Variants in KCTD17 observed in about 807,000 individuals in gnomAD.
KCTD17 encodes the protein BTB/POZ domain-containing protein KCTD17.
A neutral mutation model predicts 41.5 loss-of-function variants in KCTD17; 20 were observed. The observed-to-expected ratio is 0.48, with a 90% CI of 0.34 to 0.70. KCTD17 has a LOEUF of 0.70. KCTD17 is among the 30% of genes least tolerant of loss of function. The pLI is 0.01. For missense variants in KCTD17, 317 were observed against 427.2 expected, an observed-to-expected ratio of 0.74 and a Z score of 2.27; for synonymous variants, 156 against 173.8, an observed-to-expected ratio of 0.90 and a Z score of 0.80.
chr22:37,058,444 A>G (rs117406281), intron 4 of KCTD17, among the ~76,000 whole-genome samples: 1 of 152,254 alleles, frequency 6.6e-6, no homozygotes, highest in African/African-American at 2.4e-5. Flanking sequence ...TAGAAGGGCC[A>G]TCAGTAAAGC....
intron 4 of KCTD17, 65 bp downstream of exon 4, chr22:37,057,558 G>T: frequency 7.7e-7 from 1 of 1,296,678 alleles, no homozygotes; most frequent in Non-Finnish European, 1.1e-6. Context: ...TGACCAAGCA[G>T]GCCCCTCCCT....
At chr22:37,057,563 C>T in intron 4 of KCTD17, 70 bp downstream of exon 4, 1 of 1,235,682 alleles carries the variant, frequency 8.1e-7, no homozygotes, top group Non-Finnish European at 1.2e-6. Flanking sequence ...AAGCAGGCCC[C>T]TCCCTTCCTG....
chr22:37,052,087 G>T (rs1924556234), intron 1 of KCTD17, 138 bp downstream of exon 1: 1 of 1,074,708 alleles, frequency 9.3e-7, no homozygotes. Flanking sequence ...GGAAGAAGCG[G>T]CAGGAGGAGG....
rs924775728 is a variant in KCTD17, at chr22:37,056,194, A to C, written c.299-126A>C. On this transcript the variant is annotated intron_variant, in intron 2 of 8. Transcript: ENST00000403888. Reference sequence around the variant, plus strand: ...CCTCTTACTTGACCCCTGAACTCACAGACACTCAGCTCACCCTCAGGGCGG... The same window carrying C: ...CCTCTTACTTGACCCCTGAACTCACCGACACTCAGCTCACCCTCAGGGCGG... The C allele has an allele frequency of 5.8e-6, 4 of 687,436 alleles. No individual in the cohort carries two copies. In the African/African-American group the frequency reaches 7.2e-5, roughly 12 times the overall value. 42.6% of individuals were successfully genotyped at this position (687,436 alleles called of 1,614,324 possible).
Position 37,053,687 on chromosome 22 carries a change from G to A in KCTD17, c.298+479G>A, listed in dbSNP as rs1236911344. 6.6e-6 allele frequency among the ~76,000 whole-genome samples: 1 copy of A among 152,204 alleles called. No homozygotes were observed. The highest frequency in any genetic ancestry group is 1.5e-5 in the Non-Finnish European group (1 of 68,042). On this transcript the variant is annotated intron_variant, in intron 2 of 8. Coordinates refer to ENST00000403888, the MANE Select transcript of KCTD17 (RefSeq NM_001282684.2). This position sits in a 1 kb window ranked among gnomAD's most constrained non-coding sequence, Gnocchi z 4.1. ...GAGCGGGTGACTGTTCACTAAGTCT[G>A]GCAGCCTGTGCGGCACAGTGCTGGC... is the stretch of plus-strand genomic sequence containing the variant.
intron 5 of KCTD17, 61 bp from the exon 6 acceptor site, chr22:37,060,762 C>A: frequency 3.4e-6 from 5 of 1,451,226 alleles, no homozygotes; most frequent in Non-Finnish European, 4.5e-6. Flanking sequence ...AGCCAGCAGG[C>A]CCTGGCCCCT....
Position 37,056,061 on chromosome 22 carries a change from G to A in KCTD17, c.299-259G>A, listed in dbSNP as rs188610113. On this transcript the variant is annotated intron_variant, in intron 2 of 8. Transcript: ENST00000403888. ...TGATAGCCCTAAAGCTGCCCCAGACGGTGGCCTGGCAGGTACCCCTGGGTC... is the reference window on the plus strand; with the variant it reads ...TGATAGCCCTAAAGCTGCCCCAGACAGTGGCCTGGCAGGTACCCCTGGGTC... Among the ~76,000 whole-genome samples, 7 of 152,228 alleles carry A rather than the reference G, an allele frequency of 4.6e-5. No individual in the cohort carries two copies. In the East Asian group the frequency reaches 7.7e-4, roughly 17 times the overall value.
In KCTD17 at chr22:37,060,729, C is replaced by T. The variant is rs1925676895; in HGVS notation, c.613-94C>T. On this transcript the variant is annotated intron_variant, in intron 5 of 8. Coordinates refer to ENST00000403888, the MANE Select transcript of KCTD17 (RefSeq NM_001282684.2). ...CTCTCCTGAGGTCCCTTTCACCTTGCCTGAGACCGGGTCTTTGGGGATAGC... is the reference window on the plus strand; with the variant it reads ...CTCTCCTGAGGTCCCTTTCACCTTGTCTGAGACCGGGTCTTTGGGGATAGC... The T allele has an allele frequency of 2.1e-6, 3 of 1,419,904 alleles. No individual in the cohort carries two copies. The South Asian group carries it at 5.0e-5, about 24-fold the overall frequency. 88.0% of individuals were successfully genotyped at this position (1,419,904 alleles called of 1,614,324 possible).
In KCTD17 at chr22:37,059,322, A is replaced by G; in HGVS notation, c.496A>G (p.Ile166Val). ...DGWRFEQLVN[I>V]GSSYNYGSED... ...TGCTCCGCCCCTCTAGCTGGTGAACATCGGCTCCTCCTACAACTACGGCAG... is the reference window on the plus strand; with the variant it reads ...TGCTCCGCCCCTCTAGCTGGTGAACGTCGGCTCCTCCTACAACTACGGCAG... Residue 166 changes from isoleucine to valine, a missense_variant, in exon 5 of 9, where the codon ATC becomes GTC. By Grantham distance (29) the Ile-to-Val change is conservative (BLOSUM62 3). Transcript: ENST00000403888. The G allele has an allele frequency of 5.6e-6, 9 of 1,612,838 alleles. No homozygotes were observed. The highest frequency in any genetic ancestry group is 1.1e-5 in the South Asian group (1 of 91,084).
rs1294637234 is a variant in KCTD17, at chr22:37,062,825, C to A, written c.*231C>A. ...AATGTCTGGCTGTGTCTCTCCGGCACCTGCGTCCCCTCTCCCGGGCTCCCC... is the reference window on the plus strand; with the variant it reads ...AATGTCTGGCTGTGTCTCTCCGGCAACTGCGTCCCCTCTCCCGGGCTCCCC... On this transcript the variant is annotated 3_prime_UTR_variant, in exon 9 of 9. Transcript: ENST00000403888. 1 of 908,288 alleles carries A rather than the reference C, an allele frequency of 1.1e-6. No homozygotes were observed. The highest frequency in any genetic ancestry group is 1.7e-5 in the African/African-American group (1 of 59,286). 56.3% of individuals were successfully genotyped at this position (908,288 alleles called of 1,614,324 possible).
In KCTD17 at chr22:37,062,579, TG is replaced by T; in HGVS notation, c.934del (p.Val312PhefsTer52). On this transcript the variant is annotated frameshift_variant, in exon 9 of 9. Coordinates refer to ENST00000403888, the MANE Select transcript of KCTD17 (RefSeq NM_001282684.2). LOFTEE classifies it high-confidence loss of function. ...AGGCCCCAGATCACCTCCAGGGACT[TG>T]GGGTTCCCATCTGAAATCCTTTATT... Reference protein sequence around the residue: ...CEAPDHLQGLGVPI With the variant: ...CEAPDHLQGLXVPI The T allele has an allele frequency of 6.2e-7, 1 of 1,613,300 alleles. No homozygotes were observed. Among genetic ancestry groups the T allele is most frequent in the Non-Finnish European group, 8.5e-7 (1 of 1,179,666 alleles).
chr22:37,055,079 G>A (rs1333172616), intron 2 of KCTD17: 1 of 152,336 alleles, frequency 6.6e-6, no homozygotes, highest in African/African-American at 2.4e-5. Flanking sequence ...ATGGCAGAAA[G>A]AGAGGGAGCT....
intron 8 of KCTD17, chr22:37,062,041 C>T (rs1225317693): frequency 1.0e-6 from 1 of 983,996 alleles, no homozygotes; most frequent in Non-Finnish European, 1.2e-6. Context: ...GGCCATGTGC[C>T]CACAAGCCCC....
intron 2 of KCTD17, among the ~76,000 whole-genome samples, chr22:37,054,504 C>T (rs768548820): frequency 6.6e-6 from 1 of 150,470 alleles, no homozygotes; most frequent in African/African-American, 2.5e-5. Flanking sequence ...TAGGGGATCA[C>T]GCAGGGCTAT....
chr22:37,059,334 T>G lies in KCTD17; in HGVS notation c.508T>G (p.Tyr170Asp). Reference protein sequence around the residue: ...FEQLVNIGSSYNYGSEDQAEF... With the variant: ...FEQLVNIGSSDNYGSEDQAEF... Reference sequence around the variant, plus strand: ...CTAGCTGGTGAACATCGGCTCCTCCTACAACTACGGCAGCGAGGACCAGGC... The same window carrying G: ...CTAGCTGGTGAACATCGGCTCCTCCGACAACTACGGCAGCGAGGACCAGGC... The change falls in exon 5 of 9, where the codon TAC becomes GAC. Residue 170 changes from tyrosine (Y) to aspartate (D), a missense_variant. This residue lies in a region of KCTD17 where 177 missense variants were observed against 194.4 expected (regional missense o/e 0.91). Transcript: ENST00000403888. 1 of 1,613,132 alleles carries G rather than the reference T, an allele frequency of 6.2e-7. No individual in the cohort carries two copies. Among genetic ancestry groups the G allele is most frequent in the Non-Finnish European group, 8.5e-7 (1 of 1,179,824 alleles).
At chr22:37,059,496 C>T in intron 5 of KCTD17, 58 bp downstream of exon 5, 1 of 1,540,124 alleles carries the variant, frequency 6.5e-7, no homozygotes, top group Non-Finnish European at 8.7e-7. Flanking sequence ...CTCCACCCTC[C>T]CCGCCTGTCC....
In KCTD17 at chr22:37,061,725, C is replaced by T; in HGVS notation, c.875+96C>T. The T allele has an allele frequency of 3.4e-6, 5 of 1,485,178 alleles. No individual in the cohort carries two copies. Among genetic ancestry groups the T allele is most frequent in the Non-Finnish European group, 4.5e-6 (5 of 1,113,054 alleles). 92.0% of individuals were successfully genotyped at this position (1,485,178 alleles called of 1,614,324 possible). A position where few individuals can be genotyped will look rare whatever the true frequency, so the allele number is the denominator to read the frequency against. ...GAGCCGAGCTTTCGGCTGATTATCT[C>T]CACCCACCAAAGTTTCTCATCCGAC... On this transcript the variant is annotated intron_variant, in intron 8 of 8. Coordinates refer to ENST00000403888, the MANE Select transcript of KCTD17 (RefSeq NM_001282684.2). The surrounding 1 kb of genome is among the most constrained non-coding windows in gnomAD (Gnocchi z 6.6).
chr22:37,060,805 C>G lies in KCTD17; in HGVS notation c.613-18C>G. 1.4e-6 allele frequency: 2 copies of G among 1,478,132 alleles called. No homozygotes were observed. Among genetic ancestry groups the G allele is most frequent in the Non-Finnish European group, 1.8e-6 (2 of 1,112,548 alleles). 91.6% of individuals were successfully genotyped at this position (1,478,132 alleles called of 1,614,324 possible). The stretch of plus-strand genomic sequence containing the variant: ...TGTCTCCACTCTTTCTTCCCTGGGT[C>G]CGCCGGCTGGTTCACAGAGCACGGA... On this transcript the variant is annotated intron_variant, in intron 5 of 8. Transcript: ENST00000403888.
At chr22:37,058,711 G>A (rs1467340244) in intron 4 of KCTD17, among the ~76,000 whole-genome samples, 2 of 152,194 alleles carry the variant, frequency 1.3e-5, no homozygotes, top group Non-Finnish European at 2.9e-5. Context: ...TTATTCTAGG[G>A]ACCCTGGAAC....
Sources: gnomAD v4.1 joint callset for allele counts (sites outside exome capture counted in the v4.1 genomes callset) on GRCh38, gnomAD v4.1.1 for gene constraint, gnomAD v4.1.1 regional missense constraint, Gnocchi (gnomAD v3.1) non-coding constraint, MANE v1.5 for transcripts, NCBI Gene and HGNC (gene_info 2026-07-23, HGNC 2026-07-21) for gene names.